NAV3: variants seen among roughly 807,000 people sequenced by gnomAD.
NAV3 encodes the protein pore membrane and/or filament interacting like protein 1.
In NAV3, 87 loss-of-function variants were observed where a neutral mutation model predicts 244.7. The observed-to-expected ratio is 0.36, with a 90% CI of 0.30 to 0.42. NAV3 has a LOEUF of 0.42. Ranked by LOEUF, NAV3 falls within the 20% of genes least tolerant of loss-of-function variation. The probability of loss-of-function intolerance (pLI) is 1.00; values close to 1 mark genes in which losing one functional copy is unlikely to be tolerated. For missense variants in NAV3, 2,663 were observed against 2,893.3 expected (o/e 0.92, Z 1.83); for synonymous variants, 1,126 against 1,042.2 (o/e 1.08, Z -1.55).
chr12:77,890,324 C>A (rs897235083), intron 1 of NAV3, among the ~76,000 whole-genome samples: 1 of 151,812 alleles, frequency 6.6e-6, no homozygotes, highest in Non-Finnish European at 1.5e-5. Context: ...CCCTGTTGCC[C>A]AGGCTGGTCT....
intron 18 of NAV3, among the ~76,000 whole-genome samples, chr12:78,131,830 G>A (rs1333797695): frequency 6.6e-6 from 1 of 152,112 alleles, no homozygotes; most frequent in Admixed American, 6.6e-5. Context: ...GACAGATTCT[G>A]CCAAATCATT....
At chr12:77,971,097 A>G (rs1040969629) in intron 5 of NAV3, among the ~76,000 whole-genome samples, 4 of 152,044 alleles carry the variant, frequency 2.6e-5, no homozygotes, top group African/African-American at 9.7e-5. Context: ...CTGGATATAC[A>G]TGGCTGTTGT....
At chr12:77,866,095 C>A (rs955019735) in intron 1 of NAV3, among the ~76,000 whole-genome samples, 13 of 152,030 alleles carry the variant, frequency 8.6e-5, no homozygotes, top group African/African-American at 3.1e-4. Context: ...GCACATAGTT[C>A]AAAAGCAGAA....
rs147321716 is a variant in NAV3, at chr12:77,794,350, A to G, written c.73-145969A>G. On this transcript the variant is annotated intron_variant, in intron 2 of 8. Coordinates refer to the NAV3 transcript ENST00000550042. Reference sequence around the variant, plus strand: ...CTGTCAGTAACATATTGATCAAATAAGTAAACTTTTTAGGGTCTTCTTTTG... The same window carrying G: ...CTGTCAGTAACATATTGATCAAATAGGTAAACTTTTTAGGGTCTTCTTTTG... 2.1e-3 allele frequency among the ~76,000 whole-genome samples: 319 copies of G among 152,288 alleles called. 1 individual carries two copies. In the Middle Eastern group the frequency reaches 0.024, roughly 11 times the overall value.
intron 2 of NAV3, among the ~76,000 whole-genome samples, chr12:77,754,956 A>C (rs1401689121): frequency 6.6e-6 from 1 of 152,214 alleles, no homozygotes; most frequent in Admixed American, 6.5e-5. Context: ...AAGAATAGAA[A>C]ATCTTTTATC....
intron 5 of NAV3, among the ~76,000 whole-genome samples, chr12:77,976,674 C>CTTTTTTTTTTTTTTTTT (rs869041498): frequency 2.8e-4 from 23 of 83,436 alleles, no homozygotes; most frequent in Non-Finnish European, 3.0e-4. Context: ...TTCTTTTTTT[C>CTTTTTTTTTTTTTTTTT]TTTTTTTTTT....
chr12:77,691,875 A>G (rs1458243841), intron 2 of NAV3, among the ~76,000 whole-genome samples: 1 of 151,976 alleles, frequency 6.6e-6, no homozygotes, highest in Non-Finnish European at 1.5e-5. Flanking sequence ...TCAGAAATCA[A>G]AGCACTTAGG....
chr12:77,684,374 T>C (rs1197254651), intron 2 of NAV3, among the ~76,000 whole-genome samples: 6 of 152,130 alleles, frequency 3.9e-5, no homozygotes, highest in Non-Finnish European at 8.8e-5. Context: ...TTTCTTCATT[T>C]CTCTCTGTCT....
intron 12 of NAV3, among the ~76,000 whole-genome samples, chr12:78,102,290 C>A (rs1405207659): frequency 1.3e-5 from 2 of 152,208 alleles, no homozygotes; most frequent in East Asian, 3.9e-4. Flanking sequence ...ATTCCGAAAT[C>A]CATCTGGGCA....
intron 3 of NAV3, among the ~76,000 whole-genome samples, chr12:77,951,161 A>G (rs1890834235): frequency 6.6e-6 from 1 of 152,228 alleles, no homozygotes; most frequent in African/African-American, 2.4e-5. Flanking sequence ...AAGTTTTGCA[A>G]TCTACTCATC....
At chr12:77,759,654 A>T (rs1869363470) in intron 2 of NAV3, among the ~76,000 whole-genome samples, 1 of 152,242 alleles carries the variant, frequency 6.6e-6, no homozygotes, top group African/African-American at 2.4e-5. Flanking sequence ...CTGTTATGTT[A>T]GTTCAGTGAA....
chr12:77,829,044 T>A (rs1873317397), upstream of NAV3, among the ~76,000 whole-genome samples: 1 of 152,232 alleles, frequency 6.6e-6, no homozygotes. Flanking sequence ...AGTTTGAATG[T>A]TGTATAGTCA....
intron 2 of NAV3, among the ~76,000 whole-genome samples, chr12:77,781,403 C>T (rs1353569061): frequency 6.6e-6 from 1 of 152,104 alleles, no homozygotes; most frequent in Non-Finnish European, 1.5e-5. Context: ...ATGATAAAAC[C>T]TTATAACCCT....
intron 1 of NAV3, among the ~76,000 whole-genome samples, chr12:77,844,363 A>C (rs753577681): frequency 1.3e-5 from 2 of 152,160 alleles, no homozygotes; most frequent in African/African-American, 4.8e-5. Context: ...TCATGACTTA[A>C]TCATCATTTA....
intron 2 of NAV3, among the ~76,000 whole-genome samples, chr12:77,587,036 A>G (rs1391821447): frequency 6.6e-6 from 1 of 152,146 alleles, no homozygotes; most frequent in Non-Finnish European, 1.5e-5. Flanking sequence ...TATATTGCTT[A>G]TTTTTCCTTA....
At chr12:78,085,121 G>A (rs1426888996) in intron 12 of NAV3, among the ~76,000 whole-genome samples, 1 of 152,156 alleles carries the variant, frequency 6.6e-6, no homozygotes, top group Non-Finnish European at 1.5e-5. Flanking sequence ...GCAAATTGCA[G>A]CTGATTTGAT....
intron 3 of NAV3, among the ~76,000 whole-genome samples, chr12:77,951,174 A>G (rs1593092590): frequency 6.6e-6 from 1 of 152,232 alleles, no homozygotes; most frequent in South Asian, 2.1e-4. Context: ...TACTCATCTG[A>G]CAAAGGGCTA....
chr12:77,758,058 G>C (rs969158861), intron 2 of NAV3, among the ~76,000 whole-genome samples: 2 of 152,104 alleles, frequency 1.3e-5, no homozygotes, highest in African/African-American at 2.4e-5. Context: ...CACACTCCAG[G>C]CTTGGTGTCT....
intron 1 of NAV3, among the ~76,000 whole-genome samples, chr12:77,923,327 A>G (rs2137201578): frequency 6.6e-6 from 1 of 152,256 alleles, no homozygotes; most frequent in South Asian, 2.1e-4. Context: ...TATGTTTTTA[A>G]ATATATTTTA....
Sources: allele counts gnomAD v4.1 joint callset (sites outside exome capture counted in the v4.1 genomes callset), GRCh38; gene constraint gnomAD v4.1.1; transcripts MANE v1.5; gene names NCBI Gene and HGNC (gene_info 2026-07-23, HGNC 2026-07-21).